The following RAD51B variants were observed in gnomAD, a reference collection of about 807,000 sequenced individuals.
RAD51B encodes RAD51 paralog B, also known as DNA repair protein RAD51 homolog 2.
Under a neutral mutation model 42.2 loss-of-function variants are expected in RAD51B, and 38 were observed. The observed-to-expected ratio is 0.90, with a 90% confidence interval of 0.70 to 1.18. The LOEUF (loss-of-function observed/expected upper bound fraction) is 1.18. Ranked by LOEUF, RAD51B falls within the 50% of genes most tolerant of loss-of-function variation. The pLI, the probability that RAD51B is intolerant of heterozygous loss-of-function variation, is 0.00. For synonymous variants in RAD51B, 154 were observed against 145.2 expected, an observed-to-expected ratio of 1.06 and a Z score of -0.43; for missense variants, 373 against 400.7, an observed-to-expected ratio of 0.93 and a Z score of 0.59.
Position 68,074,770 on chromosome 14 carries a change from C to T in RAD51B, c.756+187566C>T, listed in dbSNP as rs140208044. ...TCTGTATTTGTGCCTGAATTCTTGT[C>T]CTTGGTTCCCCAGAAGCGTATATTA... is the stretch of plus-strand genomic sequence containing the variant. On this transcript the variant is annotated intron_variant, in intron 7 of 10. Transcript: ENST00000471583. Among the ~76,000 whole-genome samples, 20 of 152,308 alleles carry T rather than the reference C, an allele frequency of 1.3e-4. No homozygotes were observed. In the East Asian group the frequency reaches 3.5e-3, roughly 26 times the overall value.
intron 7 of RAD51B, among the ~76,000 whole-genome samples, chr14:67,977,073 T>C (rs1237270668): frequency 6.6e-5 from 10 of 152,146 alleles, no homozygotes; most frequent in Non-Finnish European, 8.8e-5. Context: ...TCAACTCTAG[T>C]TTTTAATCTT....
intron 7 of RAD51B, among the ~76,000 whole-genome samples, chr14:68,291,517 A>T (rs567157720): frequency 6.6e-4 from 101 of 152,360 alleles, no homozygotes; most frequent in Admixed American, 2.5e-3. Flanking sequence ...AACTTTAAAA[A>T]TTAAAGTCTG....
intron 7 of RAD51B, among the ~76,000 whole-genome samples, chr14:68,264,230 G>C (rs2080941782): frequency 6.6e-6 from 1 of 152,236 alleles, no homozygotes; most frequent in African/African-American, 2.4e-5. Flanking sequence ...CTGGTACTCA[G>C]GGGTAGGGTT....
chr14:67,917,583 A>G (rs1308681425), intron 7 of RAD51B, among the ~76,000 whole-genome samples: 1 of 152,196 alleles, frequency 6.6e-6, no homozygotes, highest in Non-Finnish European at 1.5e-5. Context: ...AAACCATATC[A>G]CAGATGATGA....
At chr14:68,439,012 C>T (rs894030186) in intron 9 of RAD51B, among the ~76,000 whole-genome samples, 2 of 152,178 alleles carry the variant, frequency 1.3e-5, no homozygotes, top group African/African-American at 4.8e-5. Flanking sequence ...GATCCGCTCC[C>T]TGCCCTTCCC....
At chr14:68,268,950 C>T (rs1037414051) in intron 7 of RAD51B, among the ~76,000 whole-genome samples, 3 of 152,190 alleles carry the variant, frequency 2.0e-5, no homozygotes, top group Non-Finnish European at 4.4e-5. Context: ...ATAGCAGCCA[C>T]AGTGTGATCA....
intron 10 of RAD51B, among the ~76,000 whole-genome samples, chr14:68,535,132 A>C (rs2140356508): frequency 6.6e-6 from 1 of 152,164 alleles, no homozygotes; most frequent in East Asian, 1.9e-4. Context: ...TCACCTTTTC[A>C]TGGTTGGTGG....
chr14:68,252,907 C>T (rs2139508778), intron 7 of RAD51B, among the ~76,000 whole-genome samples: 1 of 152,078 alleles, frequency 6.6e-6, no homozygotes, highest in Non-Finnish European at 1.5e-5. Flanking sequence ...ATGGCGAAAC[C>T]CCGACTCTAC....
chr14:68,058,892 C>T (rs572971088), intron 7 of RAD51B, among the ~76,000 whole-genome samples: 26 of 152,266 alleles, frequency 1.7e-4, no homozygotes, highest in South Asian at 8.3e-4. Flanking sequence ...TATTCTTTTG[C>T]CAACACCTGC....
chr14:67,858,467 G>T (rs534603539), intron 4 of RAD51B, among the ~76,000 whole-genome samples: 1 of 152,320 alleles, frequency 6.6e-6, no homozygotes, highest in African/African-American at 2.4e-5. Context: ...GCTGTCTCCG[G>T]TATTGATTGA....
intron 8 of RAD51B, among the ~76,000 whole-genome samples, chr14:68,303,445 TA>T (rs1343062163): frequency 9.9e-6 from 1 of 101,230 alleles, no homozygotes; most frequent in Non-Finnish European, 1.9e-5. Context: ...TATCCCAGAA[TA>T]TAAAGTATAA....
chr14:68,678,206 C>T (rs552185464), intron 11 of RAD51B, among the ~76,000 whole-genome samples: 1 of 152,312 alleles, frequency 6.6e-6, no homozygotes, highest in African/African-American at 2.4e-5. Flanking sequence ...TCGTTCAGTC[C>T]ATGTCGGCTG....
intron 10 of RAD51B, among the ~76,000 whole-genome samples, chr14:68,650,293 T>G (rs1302885630): frequency 6.6e-6 from 1 of 152,198 alleles, no homozygotes; most frequent in Non-Finnish European, 1.5e-5. Context: ...TTTTCATTCC[T>G]TAATCCTACA....
At chr14:68,079,752 C>G (rs528420078) in intron 7 of RAD51B, among the ~76,000 whole-genome samples, 1 of 152,172 alleles carries the variant, frequency 6.6e-6, no homozygotes, top group African/African-American at 2.4e-5. Flanking sequence ...GGATATTAGA[C>G]TACATATGTG....
chr14:68,663,987 A>T (rs1892986104), intron 11 of RAD51B, among the ~76,000 whole-genome samples: 1 of 152,124 alleles, frequency 6.6e-6, no homozygotes, highest in Admixed American at 6.5e-5. Context: ...ATTAAGACAG[A>T]CTCTAACCAT....
At chr14:68,091,457 G>C (rs547986821) in intron 7 of RAD51B, among the ~76,000 whole-genome samples, 1 of 152,310 alleles carries the variant, frequency 6.6e-6, no homozygotes, top group East Asian at 1.9e-4. Flanking sequence ...GGCCAATGAT[G>C]ATGAGCATTT....
At chr14:68,261,042 A>C (rs528166733) in intron 7 of RAD51B, among the ~76,000 whole-genome samples, 1 of 152,216 alleles carries the variant, frequency 6.6e-6, no homozygotes, top group South Asian at 2.1e-4. Context: ...GCATGATTTC[A>C]TAGAATCAAT....
At chr14:68,547,229 G>A (rs763144839) in intron 10 of RAD51B, among the ~76,000 whole-genome samples, 6 of 152,166 alleles carry the variant, frequency 3.9e-5, no homozygotes, top group Admixed American at 1.3e-4. Context: ...TTCTTCTGGG[G>A]GCTGATTCAC....
At chr14:68,387,767 C>T (rs529408626) in intron 8 of RAD51B, among the ~76,000 whole-genome samples, 1 of 152,218 alleles carries the variant, frequency 6.6e-6, no homozygotes, top group Admixed American at 6.5e-5. Flanking sequence ...TACACACACA[C>T]TCTACCACTA....
Sources: allele counts gnomAD v4.1 joint callset (sites outside exome capture counted in the v4.1 genomes callset), GRCh38; gene constraint gnomAD v4.1.1; transcripts MANE v1.5; gene names NCBI Gene and HGNC (gene_info 2026-07-23, HGNC 2026-07-21).